KALRN: variants seen among roughly 807,000 people sequenced by gnomAD.
KALRN encodes kalirin.
In KALRN, 70 loss-of-function variants were observed where a neutral mutation model predicts 353.7. That is an observed-to-expected ratio of 0.20 (90% CI 0.16 to 0.24). The LOEUF is 0.24. Among genes scored for constraint, KALRN ranks in the 10% least tolerant of loss-of-function variants. The pLI is 1.00. For missense variants in KALRN, 2,791 were observed against 3,756.7 expected (o/e 0.74, Z 6.72); for synonymous variants, 1,391 against 1,434.8 (o/e 0.97, Z 0.69).
At chr3:124,457,218 C>T (rs374069860) in intron 23 of KALRN, among the ~76,000 whole-genome samples, 36 of 152,026 alleles carry the variant, frequency 2.4e-4, no homozygotes, top group Admixed American at 1.8e-3. Flanking sequence ...TACAGGTGTG[C>T]GCCACCATGC....
At position 124,657,551 on chromosome 3, in the gene KALRN, A is replaced by T. The variant is rs1258546519; in HGVS notation, c.5966A>T (p.Asp1989Val). Residue 1989 changes from aspartate (D) to valine (V), a missense_variant and splice_region_variant, in exon 40 of 60, where the codon GAT (aspartate) becomes GTT (valine). Physicochemically the swap from Asp to Val is radical, Grantham distance 152. Transcript: ENST00000682506. ...NIHQIYDWHK[D>V]FFLAELEKCI... ...CATCAGATTTATGACTGGCATAAGG[A>T]GTAAGTGTTAATGCTGCCCCGAGGA... 6.2e-7 allele frequency: 1 copy of T among 1,610,124 alleles called. No individual in the cohort carries two copies. Among genetic ancestry groups the T allele is most frequent in the Admixed American group, 1.7e-5 (1 of 60,020 alleles).
chr3:124,316,480 T>G (rs2078826573), intron 6 of KALRN, among the ~76,000 whole-genome samples: 1 of 152,240 alleles, frequency 6.6e-6, no homozygotes, highest in African/African-American at 2.4e-5. Flanking sequence ...CCTCTACAAC[T>G]TGTCATTTGT....
At chr3:124,659,658 A>C (rs185214737) in intron 43 of KALRN, among the ~76,000 whole-genome samples, 1 of 152,260 alleles carries the variant, frequency 6.6e-6, no homozygotes, top group African/African-American at 2.4e-5. Context: ...AATAAACTGC[A>C]TGGCTGTTCT....
intron 18 of KALRN, among the ~76,000 whole-genome samples, chr3:124,441,126 GA>G (rs1470640154): frequency 6.6e-6 from 1 of 152,148 alleles, no homozygotes; most frequent in African/African-American, 2.4e-5. Context: ...AAATAAGTCT[GA>G]AAAATGTTTG....
At chr3:124,245,798 G>C (rs13315974) in intron 3 of KALRN, among the ~76,000 whole-genome samples, 10,473 of 151,742 alleles carry the variant, frequency 0.069, 396 homozygotes, top group Middle Eastern at 0.096. Context: ...TGTACCTGTT[G>C]GCCATTTTGT....
At chr3:124,250,717 T>G (rs2071028554) in intron 3 of KALRN, among the ~76,000 whole-genome samples, 1 of 151,924 alleles carries the variant, frequency 6.6e-6, no homozygotes, top group African/African-American at 2.4e-5. Flanking sequence ...CAGAAGAGAG[T>G]ACCTTGGGGG....
At chr3:124,625,034 C>T (rs1463786908) in intron 34 of KALRN, among the ~76,000 whole-genome samples, 1 of 152,150 alleles carries the variant, frequency 6.6e-6, no homozygotes, top group African/African-American at 2.4e-5. Context: ...AAAAGTCAGT[C>T]ATGGAATTAG....
chr3:124,292,231 G>A (rs1580591753), intron 5 of KALRN, among the ~76,000 whole-genome samples: 1 of 152,228 alleles, frequency 6.6e-6, no homozygotes, highest in Non-Finnish European at 1.5e-5. Context: ...CTACTCTCTA[G>A]GACCTCTCTG....
intron 1 of KALRN, among the ~76,000 whole-genome samples, chr3:124,153,423 C>A (rs2068494008): frequency 1.3e-5 from 2 of 150,912 alleles, no homozygotes; most frequent in African/African-American, 2.4e-5. Flanking sequence ...CAATTTCATC[C>A]ATGTCCCTAC....
At chr3:124,427,690 G>A (rs1442697967) in intron 15 of KALRN, among the ~76,000 whole-genome samples, 5 of 152,130 alleles carry the variant, frequency 3.3e-5, no homozygotes, top group Non-Finnish European at 7.3e-5. Context: ...TGAACTTTTG[G>A]CCTAGCTCTT....
At chr3:124,352,771 A>G (rs1010120400) in intron 10 of KALRN, among the ~76,000 whole-genome samples, 4 of 152,120 alleles carry the variant, frequency 2.6e-5, no homozygotes, top group Non-Finnish European at 1.5e-5. Flanking sequence ...AGAAGAGAAA[A>G]CCAAACACCG....
chr3:124,293,447 A>G (rs2076585369), intron 5 of KALRN, among the ~76,000 whole-genome samples: 2 of 152,200 alleles, frequency 1.3e-5, no homozygotes, highest in Admixed American at 1.3e-4. Context: ...AACAATAATA[A>G]CATTTTAGCT....
chr3:124,200,861 T>C (rs2075884053), intron 1 of KALRN, among the ~76,000 whole-genome samples: 1 of 152,230 alleles, frequency 6.6e-6, no homozygotes, highest in Non-Finnish European at 1.5e-5. Context: ...ATGTATGGCA[T>C]AGATAATGCA....
chr3:124,702,574 A>C (rs2062393295), intron 57 of KALRN, among the ~76,000 whole-genome samples: 1 of 152,182 alleles, frequency 6.6e-6, no homozygotes. Flanking sequence ...TGTGGTCAGA[A>C]AATCTATATG....
At chr3:124,059,201 CAACTT>C (rs1330206835) in intron 1 of KALRN, among the ~76,000 whole-genome samples, 19 of 152,068 alleles carry the variant, frequency 1.2e-4, no homozygotes, top group Admixed American at 1.2e-3. Context: ...TAGATCCAAA[CAACTT>C]AATAAGTACT....
At chr3:124,037,054 T>C (rs1039971523) in intron 1 of KALRN, among the ~76,000 whole-genome samples, 3 of 152,198 alleles carry the variant, frequency 2.0e-5, no homozygotes, top group Non-Finnish European at 4.4e-5. Flanking sequence ...ATCATAGTTA[T>C]GAGGCAGAGG....
At chr3:124,145,597 C>G (rs1282831401) in intron 1 of KALRN, among the ~76,000 whole-genome samples, 2 of 152,240 alleles carry the variant, frequency 1.3e-5, no homozygotes, top group Non-Finnish European at 2.9e-5. Context: ...AGCTGCTACT[C>G]TGTGCCCACT....
intron 6 of KALRN, among the ~76,000 whole-genome samples, chr3:124,322,143 C>T (rs1387068024): frequency 6.6e-6 from 1 of 152,202 alleles, no homozygotes; most frequent in African/African-American, 2.4e-5. Flanking sequence ...GGTCCATCTC[C>T]AGTCTTGGTC....
At chr3:124,179,406 G>A (rs1025079855) in intron 1 of KALRN, among the ~76,000 whole-genome samples, 1 of 152,108 alleles carries the variant, frequency 6.6e-6, no homozygotes, top group Admixed American at 6.5e-5. Flanking sequence ...GGTCTTCAGG[G>A]GCAATAACAC....
Sources: gnomAD v4.1 joint callset for allele counts (sites outside exome capture counted in the v4.1 genomes callset) on GRCh38, gnomAD v4.1.1 for gene constraint, MANE v1.5 for transcripts, NCBI Gene and HGNC (gene_info 2026-07-23, HGNC 2026-07-21) for gene names.